VCPKMT: variants seen among roughly 807,000 people sequenced by gnomAD.
The protein encoded by VCPKMT is valosin containing protein lysine methyltransferase.
A neutral mutation model predicts 28.6 loss-of-function variants in VCPKMT; 32 were observed. The ratio of observed to expected loss-of-function variants is 1.12; its 90% CI spans 0.84 to 1.50. The LOEUF is 1.50. Ranked by LOEUF, VCPKMT falls within the 40% of genes most tolerant of loss-of-function variation. The pLI, the probability that VCPKMT is intolerant of heterozygous loss-of-function variation, is 0.00. For missense variants in VCPKMT, 366 were observed against 285.0 expected (o/e 1.28, Z -2.05); for synonymous variants, 138 against 111.4 (o/e 1.24, Z -1.50).
chr14:50,103,017 G>A, the VCPKMT span, among the ~76,000 whole-genome samples: 6 of 152,196 alleles, frequency 3.9e-5, no homozygotes, highest in Non-Finnish European at 7.3e-5. Context: ...ACACAAATTC[G>A]TAAACCCTCT....
chr14:50,112,987 C>T (rs1444946806), intron 4 of VCPKMT, among the ~76,000 whole-genome samples: 2 of 152,252 alleles, frequency 1.3e-5, no homozygotes, highest in Non-Finnish European at 2.9e-5. Context: ...AGGGTTTCAC[C>T]ATGTTGACCA....
At chr14:50,111,925 T>C (rs1017493161) in intron 5 of VCPKMT, 1 of 985,146 alleles carries the variant, frequency 1.0e-6, no homozygotes, top group African/African-American at 1.7e-5. Flanking sequence ...TCTTCCCTCT[T>C]TCTACAGGCT....
chr14:50,104,711 T>C (rs1340860991), downstream of VCPKMT, among the ~76,000 whole-genome samples: 1 of 149,542 alleles, frequency 6.7e-6, no homozygotes, highest in Non-Finnish European at 1.5e-5. Context: ...AAAAAAAAAC[T>C]GCTTTGAAAA....
chr14:50,103,220 T>G, the VCPKMT span, among the ~76,000 whole-genome samples: 1 of 152,212 alleles, frequency 6.6e-6, no homozygotes, highest in South Asian at 2.1e-4. Flanking sequence ...CAAGGTTTTG[T>G]CATTCTTGTC....
downstream of VCPKMT, among the ~76,000 whole-genome samples, chr14:50,108,275 T>TA (rs759202329): frequency 1.1e-4 from 17 of 151,800 alleles, no homozygotes; most frequent in Non-Finnish European, 1.9e-4. Flanking sequence ...GGTGGACTAT[T>TA]ATAGTCAAGG....
At position 50,116,290 on chromosome 14, in the gene VCPKMT, A is replaced by C; in HGVS notation, c.263T>G (p.Leu88Arg). Residue 88 changes from leucine to arginine, a missense_variant, in exon 1 of 6, where the codon CTC (leucine) becomes CGC (arginine). By Grantham distance (102) the Leu-to-Arg change is moderately radical. Coordinates refer to ENST00000395860, the MANE Select transcript of VCPKMT (RefSeq NM_024558.3). ...TGAVGLMAAT[L>R]GADVVVTDLE... ...CCGCCCGCCCGCCAGCTCTTACCCGAGGGTAGCAGCCATGAGCCCCACGGC... is the reference window on the plus strand; with the variant it reads ...CCGCCCGCCCGCCAGCTCTTACCCGCGGGTAGCAGCCATGAGCCCCACGGC... The C allele has an allele frequency of 6.2e-7, 1 of 1,605,512 alleles. No homozygotes were observed. Among genetic ancestry groups the C allele is most frequent in the East Asian group, 2.2e-5 (1 of 44,512 alleles).
intron 5 of VCPKMT, chr14:50,111,646 G>A (rs1300390445): frequency 2.0e-6 from 2 of 982,548 alleles, no homozygotes; most frequent in Admixed American, 1.2e-4. Flanking sequence ...GGGAGGCCGA[G>A]GTGGGCAGGT....
In VCPKMT at chr14:50,116,149, T is replaced by C. The variant is rs1883182065; in HGVS notation, c.297A>G (p.Glu99=). The C allele has an allele frequency of 6.2e-7, 1 of 1,614,118 alleles. No individual in the cohort carries two copies. Among genetic ancestry groups the C allele is most frequent in the African/African-American group, 1.3e-5 (1 of 75,050 alleles). Residue 99 remains glutamate, a synonymous_variant, in exon 2 of 6, where the codon GAA becomes GAG. Transcript: ENST00000395860. The part of the protein sequence containing the change: ...GADVVVTDLE[E]LQDLLKMNIN... ...TATTCATCTTCAGCAAGTCTTGCAA[T>C]TCCTCAAGATCGGTGACTACAACAT...
At chr14:50,114,676 G>GC (rs1882979246) in intron 3 of VCPKMT, among the ~76,000 whole-genome samples, 1 of 152,006 alleles carries the variant, frequency 6.6e-6, no homozygotes, top group Non-Finnish European at 1.5e-5. Flanking sequence ...ACCACCCCCC[G>GC]CAACACCTTA....
downstream of VCPKMT, among the ~76,000 whole-genome samples, chr14:50,103,695 T>C (rs1882229483): frequency 6.6e-6 from 1 of 152,216 alleles, no homozygotes; most frequent in Non-Finnish European, 1.5e-5. Flanking sequence ...CTTCTTTATT[T>C]TTCTAAGATT....
In VCPKMT at chr14:50,109,249, T is replaced by G; in HGVS notation, c.*450A>C. The G allele has an allele frequency of 1.1e-6, 1 of 946,132 alleles. No homozygotes were observed. The highest frequency in any genetic ancestry group is 1.3e-6 in the Non-Finnish European group (1 of 793,700). The allele number at this position is 946,132 out of a possible 1,614,324, so 58.6% of individuals were successfully genotyped here. The stretch of plus-strand genomic sequence containing the variant: ...AAATATTGTATAATTATGTACAAAA[T>G]GAAAACCTTTTAAACTCTGAAGACA... On this transcript the variant is annotated 3_prime_UTR_variant, in exon 6 of 6. Coordinates refer to ENST00000395860, the MANE Select transcript of VCPKMT (RefSeq NM_024558.3).
intron 4 of VCPKMT, among the ~76,000 whole-genome samples, chr14:50,113,915 C>CAAAACAAAAACG (rs1882908233): frequency 6.6e-6 from 1 of 150,878 alleles, no homozygotes; most frequent in African/African-American, 2.4e-5. Flanking sequence ...AACCCTGTCT[C>CAAAACAAAAACG]AAAACAAAAA....
chr14:50,116,303 T>C lies in VCPKMT; in HGVS notation c.250A>G (p.Met84Val). The C allele has an allele frequency of 6.7e-7, 1 of 1,489,820 alleles. No individual in the cohort carries two copies. Among genetic ancestry groups the C allele is most frequent in the Non-Finnish European group, 9.0e-7 (1 of 1,105,122 alleles). 92.3% of individuals were successfully genotyped at this position (1,489,820 alleles called of 1,614,324 possible). Residue 84 changes from methionine to valine, a missense_variant, in exon 1 of 6, where the codon ATG becomes GTG. Coordinates refer to ENST00000395860, the MANE Select transcript of VCPKMT (RefSeq NM_024558.3). ...AGCTCTTACCCGAGGGTAGCAGCCATGAGCCCCACGGCCCCGGTGCCCGAA... is the reference window on the plus strand; with the variant it reads ...AGCTCTTACCCGAGGGTAGCAGCCACGAGCCCCACGGCCCCGGTGCCCGAA... ...LGSGTGAVGLMAATLGADVVV... is the reference protein window; with the variant it reads ...LGSGTGAVGLVAATLGADVVV...
At chr14:50,104,169 TATC>T (rs372743719), downstream of VCPKMT, among the ~76,000 whole-genome samples, 30 of 152,364 alleles carry the variant, frequency 2.0e-4, no homozygotes, top group African/African-American at 7.0e-4. Flanking sequence ...AGCAAAATAT[TATC>T]ATGGAGATAA....
intron 4 of VCPKMT, among the ~76,000 whole-genome samples, chr14:50,114,010 GT>G (rs572210682): frequency 6.6e-6 from 1 of 152,212 alleles, no homozygotes; most frequent in African/African-American, 2.4e-5. Context: ...GCAGCATCAT[GT>G]TTAATAAACA....
rs1276385250 is a variant in VCPKMT at position 50,111,008 on chromosome 14, G to T, written c.676-1295C>A. ...GCTGGGGACGGGGGTAACAGGGAGTGACTGCTAATGGGTAAGAGGCTTCTC... is the reference window on the plus strand; with the variant it reads ...GCTGGGGACGGGGGTAACAGGGAGTTACTGCTAATGGGTAAGAGGCTTCTC... On this transcript the variant is annotated intron_variant, in intron 5 of 5. Coordinates refer to ENST00000395860, the MANE Select transcript of VCPKMT (RefSeq NM_024558.3). 2.9e-5 allele frequency: 8 copies of T among 274,076 alleles called. No individual in the cohort carries two copies. The East Asian group carries it at 1.2e-3, about 42-fold the overall frequency. 17.0% of individuals were successfully genotyped at this position (274,076 alleles called of 1,614,324 possible). A position where few individuals can be genotyped will look rare whatever the true frequency, so the allele number is the denominator to read the frequency against.
At chr14:50,111,546 T>C (rs1882662874) in intron 5 of VCPKMT, 4 of 985,424 alleles carry the variant, frequency 4.1e-6, no homozygotes, top group South Asian at 4.7e-5. Flanking sequence ...CTCCCTGCCT[T>C]ACACTAGTCA....
At chr14:50,108,611 T>C (rs1469622543), downstream of VCPKMT, 1 of 985,648 alleles carries the variant, frequency 1.0e-6, no homozygotes, top group Non-Finnish European at 1.2e-6. Context: ...TCTTCAAAGG[T>C]ATTTCTGAAA....
chr14:50,116,239 C>A (rs1594947313), intron 1 of VCPKMT, 48 bp downstream of exon 1: 1 of 1,611,764 alleles, frequency 6.2e-7, no homozygotes, highest in Non-Finnish European at 8.5e-7. Flanking sequence ...ATCCGGATTT[C>A]CCCAGCAAGA....
Sources: allele counts gnomAD v4.1 joint callset (sites outside exome capture counted in the v4.1 genomes callset), GRCh38; gene constraint gnomAD v4.1.1; transcripts MANE v1.5; gene names NCBI Gene and HGNC (gene_info 2026-07-23, HGNC 2026-07-21).